The following ZNF385D variants were observed in gnomAD, a reference collection of about 807,000 sequenced individuals.
The protein encoded by ZNF385D is zinc finger protein 659.
In ZNF385D, 15 loss-of-function variants were observed where a neutral mutation model predicts 35.8. That is an observed-to-expected ratio of 0.42 (90% CI 0.28 to 0.64). The LOEUF (loss-of-function observed/expected upper bound fraction) is 0.64. ZNF385D is among the 30% of genes least tolerant of loss of function. The pLI, the probability that ZNF385D is intolerant of heterozygous loss-of-function variation, is 0.23. For synonymous variants in ZNF385D, 212 were observed against 186.8 expected, an observed-to-expected ratio of 1.13 and a Z score of -1.10; for missense variants, 474 against 494.6, an observed-to-expected ratio of 0.96 and a Z score of 0.39.
chr3:21,801,993 C>A (rs1175460255), intron 3 of ZNF385D, among the ~76,000 whole-genome samples: 1 of 152,078 alleles, frequency 6.6e-6, no homozygotes, highest in East Asian at 1.9e-4. Flanking sequence ...TAAATGGCAC[C>A]ATTTCACAAA....
intron 1 of ZNF385D, among the ~76,000 whole-genome samples, chr3:21,680,183 A>T (rs1207541059): frequency 6.6e-6 from 1 of 151,880 alleles, no homozygotes; most frequent in African/African-American, 2.4e-5. Flanking sequence ...TCTCAGATTT[A>T]CTTCTTGGCT....
At position 21,451,642 on chromosome 3, in the gene ZNF385D, A is replaced by G. The variant is rs145777682; in HGVS notation, c.440-14439T>C. Among the ~76,000 whole-genome samples the G allele has an allele frequency of 1.1e-4, 17 of 152,218 alleles. No individual in the cohort carries two copies. The East Asian group carries it at 3.3e-3, about 29-fold the overall frequency. ...AGGCAAACATAAATAATTACAAAATAAAACAAATGCATGACAAAAAATTAA... is the reference window on the plus strand; with the variant it reads ...AGGCAAACATAAATAATTACAAAATGAAACAAATGCATGACAAAAAATTAA... On this transcript the variant is annotated intron_variant, in intron 4 of 7. Coordinates refer to ENST00000281523, the MANE Select transcript of ZNF385D (RefSeq NM_024697.3).
chr3:21,713,161 C>T (rs950450722), intron 1 of ZNF385D, among the ~76,000 whole-genome samples: 9 of 152,176 alleles, frequency 5.9e-5, no homozygotes, highest in Non-Finnish European at 1.0e-4. Context: ...CACACCCACA[C>T]ATGTGGAGTT....
chr3:21,671,982 AAAT>A (rs1358049224), intron 1 of ZNF385D, among the ~76,000 whole-genome samples: 2 of 152,186 alleles, frequency 1.3e-5, no homozygotes, highest in Admixed American at 6.6e-5. Context: ...TCGGATAAAT[AAAT>A]ATGTGTTTGT....
intron 2 of ZNF385D, among the ~76,000 whole-genome samples, chr3:22,211,906 G>T (rs2125262322): frequency 1.3e-5 from 2 of 152,020 alleles, no homozygotes; most frequent in South Asian, 4.1e-4. Flanking sequence ...TCAACAATAT[G>T]ATTCCTGGCT....
At chr3:22,141,740 C>G (rs898780437) in intron 3 of ZNF385D, among the ~76,000 whole-genome samples, 1 of 152,148 alleles carries the variant, frequency 6.6e-6, no homozygotes, top group South Asian at 2.1e-4. Flanking sequence ...TGTGTCAATA[C>G]TTACTACCTG....
At chr3:21,603,919 T>C (rs535042872) in intron 2 of ZNF385D, among the ~76,000 whole-genome samples, 28 of 152,254 alleles carry the variant, frequency 1.8e-4, no homozygotes, top group South Asian at 8.3e-4. Context: ...GCTAATGAAA[T>C]AGGAGTAGAA....
intron 3 of ZNF385D, among the ~76,000 whole-genome samples, chr3:21,837,015 A>G (rs1055509836): frequency 1.3e-5 from 2 of 152,096 alleles, no homozygotes; most frequent in African/African-American, 2.4e-5. Context: ...GCACTTTCTG[A>G]TGGCTTCATA....
intron 3 of ZNF385D, among the ~76,000 whole-genome samples, chr3:21,817,329 C>G (rs2073196339): frequency 6.6e-6 from 1 of 152,136 alleles, no homozygotes; most frequent in South Asian, 2.1e-4. Context: ...CCAAAATAGA[C>G]AAATGGGATC....
intron 2 of ZNF385D, among the ~76,000 whole-genome samples, chr3:22,209,244 A>T (rs941813499): frequency 3.9e-5 from 6 of 151,986 alleles, no homozygotes; most frequent in African/African-American, 9.7e-5. Context: ...TATAAAAAGA[A>T]AGCTTGTTAT....
In ZNF385D at chr3:22,280,283, T is replaced by C. The variant is rs190751445; in HGVS notation, c.106+92167A>G. 4.3e-3 allele frequency among the ~76,000 whole-genome samples: 657 copies of C among 152,156 alleles called. 9 individuals are homozygous for C. In the South Asian group the frequency reaches 0.049, roughly 11 times the overall value. On this transcript the variant is annotated intron_variant, in intron 2 of 5. Transcript: ENST00000494108. ...TTCAGAAGTTTTTCATTTATTTAAA[T>C]CCCATCTATTTGTATTTGTTTTGTT...
chr3:22,097,939 T>C (rs547006467), intron 3 of ZNF385D, among the ~76,000 whole-genome samples: 6 of 152,142 alleles, frequency 3.9e-5, no homozygotes, highest in Admixed American at 3.3e-4. Flanking sequence ...TTACAACTCA[T>C]GTGAGCTTGA....
At chr3:21,765,476 G>T (rs898196589) in intron 3 of ZNF385D, among the ~76,000 whole-genome samples, 1 of 152,060 alleles carries the variant, frequency 6.6e-6, no homozygotes, top group African/African-American at 2.4e-5. Context: ...CCCATGACTT[G>T]TGTGGCCTAG....
chr3:21,807,499 A>T (rs756073134), intron 3 of ZNF385D, among the ~76,000 whole-genome samples: 1 of 152,192 alleles, frequency 6.6e-6, no homozygotes, highest in Non-Finnish European at 1.5e-5. Context: ...TACAAAATTA[A>T]GACCTGGCTT....
chr3:21,926,158 AAGTTCTGG>A (rs1317955584), intron 3 of ZNF385D, among the ~76,000 whole-genome samples: 1 of 151,944 alleles, frequency 6.6e-6, no homozygotes, highest in African/African-American at 2.4e-5. Context: ...TTTATACTTT[AAGTTCTGG>A]AGTACATGTG....
rs1027094311 is a variant in ZNF385D at position 22,224,873 on chromosome 3, A to G, written c.107-55838T>C. Among the ~76,000 whole-genome samples the G allele has an allele frequency of 3.6e-4, 55 of 152,102 alleles. 1 individual carries two copies. The highest frequency in any genetic ancestry group is 1.3e-3 in the African/African-American group (53 of 41,418). On this transcript the variant is annotated intron_variant, in intron 2 of 5. Transcript: ENST00000494108. ...CAGAGTTGGCACCTCTATTCATGAG[A>G]GTTTTGCTATAATCTTTGTCCATCA...
At chr3:21,508,049 C>T (rs946342830) in intron 4 of ZNF385D, among the ~76,000 whole-genome samples, 1 of 151,968 alleles carries the variant, frequency 6.6e-6, no homozygotes, top group Non-Finnish European at 1.5e-5. Context: ...GATATAGGTC[C>T]TCATGGATTA....
chr3:21,728,668 G>A (rs2068865914), intron 1 of ZNF385D, among the ~76,000 whole-genome samples: 1 of 152,108 alleles, frequency 6.6e-6, no homozygotes, highest in South Asian at 2.1e-4. Flanking sequence ...CCACTTTACA[G>A]GTGAGAAAGT....
intron 3 of ZNF385D, among the ~76,000 whole-genome samples, chr3:22,086,535 C>G (rs1701053554): frequency 2.0e-5 from 3 of 152,054 alleles, no homozygotes; most frequent in Admixed American, 2.0e-4. Context: ...AACCACTGCT[C>G]AACGAAATAA....
Sources: allele counts gnomAD v4.1 joint callset (sites outside exome capture counted in the v4.1 genomes callset), GRCh38; gene constraint gnomAD v4.1.1; transcripts MANE v1.5; gene names NCBI Gene and HGNC (gene_info 2026-07-23, HGNC 2026-07-21).